ACSS3: variants seen among roughly 807,000 people sequenced by gnomAD.
ACSS3 encodes acyl-CoA synthetase short-chain family member 3, mitochondrial.
Under a neutral mutation model 84.2 loss-of-function variants are expected in ACSS3, and 64 were observed. That is an observed-to-expected ratio of 0.76 (90% CI 0.62 to 0.94). The LOEUF is 0.94. Among genes scored for constraint, ACSS3 ranks in the 40% least tolerant of loss-of-function variants. ACSS3 has a pLI of 0.00. For synonymous variants in ACSS3, 317 were observed against 310.1 expected, an observed-to-expected ratio of 1.02 and a Z score of -0.23; for missense variants, 815 against 867.6, an observed-to-expected ratio of 0.94 and a Z score of 0.76.
chr12:81,137,946 T>C (rs946492123), intron 3 of ACSS3, among the ~76,000 whole-genome samples: 7 of 152,294 alleles, frequency 4.6e-5, no homozygotes, highest in African/African-American at 1.7e-4. Flanking sequence ...CAGACAGAAC[T>C]GGCCTTCCTT....
At chr12:81,204,926 G>A (rs1475093471) in intron 9 of ACSS3, among the ~76,000 whole-genome samples, 1 of 152,108 alleles carries the variant, frequency 6.6e-6, no homozygotes, top group East Asian at 1.9e-4. Flanking sequence ...GAATTTCAAT[G>A]AGAAAACAGT....
At chr12:81,118,439 A>G (rs1884245662) in intron 2 of ACSS3, among the ~76,000 whole-genome samples, 1 of 152,166 alleles carries the variant, frequency 6.6e-6, no homozygotes, top group African/African-American at 2.4e-5. Flanking sequence ...ATATAGAGGA[A>G]TGGACATGCT....
At chr12:81,228,429 G>A (rs192075178) in intron 11 of ACSS3, among the ~76,000 whole-genome samples, 4 of 151,812 alleles carry the variant, frequency 2.6e-5, no homozygotes, top group Admixed American at 6.6e-5. Context: ...TTAAAGTTTT[G>A]TGCAACAGCT....
At chr12:81,233,224 T>C (rs1243424565) in intron 12 of ACSS3, 125 bp from the exon 13 acceptor site, 2 of 1,081,554 alleles carry the variant, frequency 1.8e-6, no homozygotes, top group Non-Finnish European at 2.6e-6. Context: ...CCTAGTCTAG[T>C]TACGAAAAAC....
intron 3 of ACSS3, among the ~76,000 whole-genome samples, chr12:81,138,476 GC>G (rs2121575596): frequency 6.6e-6 from 1 of 152,300 alleles, no homozygotes; most frequent in African/African-American, 2.4e-5. Context: ...GATACATTTT[GC>G]CTACACCTGT....
At chr12:81,090,790 A>C (rs1364722943) in intron 1 of ACSS3, among the ~76,000 whole-genome samples, 3 of 152,026 alleles carry the variant, frequency 2.0e-5, no homozygotes, top group African/African-American at 7.2e-5. Context: ...ACAAATACAT[A>C]TATACTGCAA....
chr12:81,235,034 G>A (rs1593227626), intron 13 of ACSS3, among the ~76,000 whole-genome samples: 1 of 151,142 alleles, frequency 6.6e-6, no homozygotes, highest in African/African-American at 2.4e-5. Flanking sequence ...ATAGTTTTAT[G>A]TTTTATATTC....
chr12:81,221,815 A>G (rs1457505523), intron 11 of ACSS3, among the ~76,000 whole-genome samples: 1 of 152,088 alleles, frequency 6.6e-6, no homozygotes, highest in Non-Finnish European at 1.5e-5. Flanking sequence ...TGCTTAGGGA[A>G]TAGAATGGTT....
chr12:81,208,432 C>G (rs1400278328), intron 9 of ACSS3, among the ~76,000 whole-genome samples: 1 of 152,022 alleles, frequency 6.6e-6, no homozygotes, highest in Non-Finnish European at 1.5e-5. Flanking sequence ...TGAGTCATAT[C>G]CCAGGGGGTT....
chr12:81,223,541 T>G lies in ACSS3; in HGVS notation c.1514+3465T>G, dbSNP rs773491270. On this transcript the variant is annotated intron_variant, in intron 11 of 15. Transcript: ENST00000548058. ...TGAGTGTGATATTTTATTAGCCTTA[T>G]AACAGCACTATGAGTTAGGCAATGG... Among the ~76,000 whole-genome samples the G allele has an allele frequency of 2.0e-5, 3 of 152,034 alleles. No individual in the cohort carries two copies. In the East Asian group the frequency reaches 5.8e-4, roughly 29 times the overall value.
chr12:81,121,949 T>TATTATTATTATTA (rs1593085516), intron 2 of ACSS3, among the ~76,000 whole-genome samples: 1 of 147,822 alleles, frequency 6.8e-6, no homozygotes, highest in African/African-American at 2.5e-5. Flanking sequence ...TTATTATTAT[T>TATTATTATTATTA]TTGAGATGGA....
At position 81,156,230 on chromosome 12, in the gene ACSS3, C is replaced by CACAT. The variant is rs55795302; in HGVS notation, c.1098+4134_1098+4135insACAT. ...CACCCCACACACACACACACACACACGTCTCTGGGTGTATATATCTCAAAC... is the reference window on the plus strand; with the variant it reads ...CACCCCACACACACACACACACACACACATGTCTCTGGGTGTATATATCTCAAAC... On this transcript the variant is annotated intron_variant, in intron 7 of 15. Transcript: ENST00000548058. Among the ~76,000 whole-genome samples, 4 of 151,268 alleles carry CACAT rather than the reference C, an allele frequency of 2.6e-5. No individual in the cohort carries two copies. In the South Asian group the frequency reaches 6.3e-4, roughly 24 times the overall value.
chr12:81,203,110 G>A (rs777794424), intron 9 of ACSS3, among the ~76,000 whole-genome samples: 3 of 152,118 alleles, frequency 2.0e-5, no homozygotes, highest in Admixed American at 6.5e-5. Context: ...TAAGACCAGA[G>A]GCTTGAGAAC....
At chr12:81,168,297 G>A (rs1224443337) in intron 7 of ACSS3, among the ~76,000 whole-genome samples, 1 of 152,056 alleles carries the variant, frequency 6.6e-6, no homozygotes, top group Non-Finnish European at 1.5e-5. Context: ...AAATCTTTAA[G>A]GAGCATTTTG....
chr12:81,175,082 A>C (rs923341867), intron 8 of ACSS3, 143 bp downstream of exon 8: 1 of 883,640 alleles, frequency 1.1e-6, no homozygotes, highest in African/African-American at 1.7e-5. Flanking sequence ...ACTTGTCTAA[A>C]TATAATTTTG....
chr12:81,079,216 A>G (rs1251583542), intron 1 of ACSS3, among the ~76,000 whole-genome samples: 1 of 151,958 alleles, frequency 6.6e-6, no homozygotes, highest in Non-Finnish European at 1.5e-5. Flanking sequence ...TATAAGCATG[A>G]TTTTTTTTGC....
At chr12:81,242,810 C>G (rs1377904526) in intron 13 of ACSS3, among the ~76,000 whole-genome samples, 13 of 150,694 alleles carry the variant, frequency 8.6e-5, no homozygotes, top group Non-Finnish European at 7.4e-5. Flanking sequence ...ATTCAACAAC[C>G]CTTCATGCTA....
At position 81,078,081 on chromosome 12, in the gene ACSS3, C is replaced by T. The variant is rs1379995763; in HGVS notation, c.-40C>T. On this transcript the variant is annotated 5_prime_UTR_variant, in exon 1 of 16. Coordinates refer to ENST00000548058, the MANE Select transcript of ACSS3 (RefSeq NM_024560.4). ...AGGCCCCAGGAAGTTGCAAGAGTACCATTTGTCGCACACTCGGGGACCGCG... is the reference window on the plus strand; with the variant it reads ...AGGCCCCAGGAAGTTGCAAGAGTACTATTTGTCGCACACTCGGGGACCGCG... 2.1e-6 allele frequency: 3 copies of T among 1,447,836 alleles called. No individual in the cohort carries two copies. The highest frequency in any genetic ancestry group is 5.0e-5 in the East Asian group (2 of 39,956). The allele number at this position is 1,447,836 out of a possible 1,614,324, so 89.7% of individuals were successfully genotyped here. A position where few individuals can be genotyped will look rare whatever the true frequency, so the allele number is the denominator to read the frequency against.
intron 11 of ACSS3, among the ~76,000 whole-genome samples, chr12:81,228,886 G>GA (rs554028517): frequency 9.9e-5 from 15 of 151,638 alleles, no homozygotes; most frequent in Admixed American, 5.3e-4. Context: ...CATAAAATGG[G>GA]AAAAAAATAC....
Sources: allele counts gnomAD v4.1 joint callset (sites outside exome capture counted in the v4.1 genomes callset), GRCh38; gene constraint gnomAD v4.1.1; transcripts MANE v1.5; gene names NCBI Gene and HGNC (gene_info 2026-07-23, HGNC 2026-07-21).